Variants in OLFM3 observed in about 807,000 individuals in gnomAD.
OLFM3 encodes noelin-3.
Under a neutral mutation model 48.6 loss-of-function variants are expected in OLFM3, and 20 were observed. The observed-to-expected ratio is 0.41, with a 90% confidence interval of 0.29 to 0.60. OLFM3 has a LOEUF of 0.60. Ranked by LOEUF, OLFM3 falls within the 20% of genes least tolerant of loss-of-function variation. The pLI is 0.28. For synonymous variants in OLFM3, 222 were observed against 198.1 expected, an observed-to-expected ratio of 1.12 and a Z score of -1.01; for missense variants, 437 against 544.3, an observed-to-expected ratio of 0.80 and a Z score of 1.96.
At chr1:101,967,878 T>C (rs1363026252) in intron 1 of OLFM3, among the ~76,000 whole-genome samples, 1 of 152,066 alleles carries the variant, frequency 6.6e-6, no homozygotes, top group African/African-American at 2.4e-5. Flanking sequence ...AGAGTATTCT[T>C]CCGCCCCCAG....
At chr1:101,926,457 T>G (rs1659274028) in intron 1 of OLFM3, among the ~76,000 whole-genome samples, 1 of 152,186 alleles carries the variant, frequency 6.6e-6, no homozygotes, top group Non-Finnish European at 1.5e-5. Context: ...GGCAGCCTGG[T>G]GGAGCAAGAA....
At chr1:101,855,244 T>C (rs1656367556) in intron 1 of OLFM3, among the ~76,000 whole-genome samples, 2 of 152,078 alleles carry the variant, frequency 1.3e-5, no homozygotes, top group African/African-American at 4.8e-5. Context: ...TTTACATGTA[T>C]GAAGTCGTTT....
chr1:101,903,261 G>T (rs754013537), intron 1 of OLFM3, among the ~76,000 whole-genome samples: 2 of 152,032 alleles, frequency 1.3e-5, no homozygotes, highest in Non-Finnish European at 2.9e-5. Context: ...ATAAGCAAGG[G>T]CCTGGGCAAC....
chr1:101,806,411 A>T (rs1653779421), intron 4 of OLFM3, among the ~76,000 whole-genome samples: 1 of 151,872 alleles, frequency 6.6e-6, no homozygotes, highest in African/African-American at 2.4e-5. Flanking sequence ...AAAAATTTAA[A>T]GTGGGAAATG....
chr1:101,860,024 A>AGCC, intron 1 of OLFM3: 1 of 152,190 alleles, frequency 6.6e-6, no homozygotes, highest in African/African-American at 2.4e-5. Flanking sequence ...GAGCCATGGA[A>AGCC]GCCAGCTCAG....
intron 4 of OLFM3, among the ~76,000 whole-genome samples, chr1:101,820,353 T>A (rs1654551135): frequency 6.6e-6 from 1 of 152,072 alleles, no homozygotes; most frequent in African/African-American, 2.4e-5. Flanking sequence ...AAAGCCTTAT[T>A]ATAATCTACA....
intron 4 of OLFM3, among the ~76,000 whole-genome samples, chr1:101,818,914 T>C (rs1413501784): frequency 6.6e-6 from 1 of 152,184 alleles, no homozygotes; most frequent in Non-Finnish European, 1.5e-5. Flanking sequence ...TTGTCCACTG[T>C]GTTTCAGGTA....
At chr1:101,939,331 T>A (rs1333648200) in intron 1 of OLFM3, among the ~76,000 whole-genome samples, 1 of 152,166 alleles carries the variant, frequency 6.6e-6, no homozygotes, top group African/African-American at 2.4e-5. Context: ...TATATCAGAA[T>A]GGTATTTTGA....
chr1:101,942,902 G>A (rs1014096035), intron 1 of OLFM3, among the ~76,000 whole-genome samples: 2 of 152,008 alleles, frequency 1.3e-5, no homozygotes, highest in Admixed American at 6.6e-5. Context: ...GGTTACTAAC[G>A]GTGACTCCTG....
intron 2 of OLFM3, among the ~76,000 whole-genome samples, chr1:101,836,479 A>G (rs965043066): frequency 1.3e-5 from 2 of 152,236 alleles, no homozygotes; most frequent in Admixed American, 6.5e-5. Context: ...CTTGCATATC[A>G]CATGCAATTA....
intron 1 of OLFM3, among the ~76,000 whole-genome samples, chr1:101,973,337 G>A (rs1203784591): frequency 6.6e-6 from 1 of 152,214 alleles, no homozygotes; most frequent in African/African-American, 2.4e-5. Context: ...GGAGAGCATA[G>A]ATGTTCCAAC....
chr1:101,874,816 T>C (rs919612809), intron 1 of OLFM3, among the ~76,000 whole-genome samples: 3 of 151,976 alleles, frequency 2.0e-5, no homozygotes, highest in African/African-American at 7.2e-5. Flanking sequence ...CTTTAAGAAA[T>C]AGGGGCATGG....
At chr1:101,952,347 G>A (rs544260671) in intron 1 of OLFM3, among the ~76,000 whole-genome samples, 2 of 152,124 alleles carry the variant, frequency 1.3e-5, no homozygotes, top group Admixed American at 1.3e-4. Flanking sequence ...TTAAAGCTCA[G>A]AGTTATTTAA....
At position 101,804,705 on chromosome 1, in the gene OLFM3, C is replaced by T. The variant is rs1437649948; in HGVS notation, c.910G>A (p.Ala304Thr). 1.2e-6 allele frequency: 2 copies of T among 1,612,466 alleles called. No homozygotes were observed. The highest frequency in any genetic ancestry group is 1.7e-5 in the Admixed American group (1 of 59,794). ...KYSFDMGRVL[A>T]QRSLEYAGFH... ...CCAGCATACTCCAGGCTTCGTTGGG[C>T]AAGCACTCTCCCCATATCAAAGCTG... Residue 304 changes from alanine (A) to threonine (T), a missense_variant, in exon 6 of 6, where the codon GCC (alanine) becomes ACC (threonine). By Grantham distance (58) the Ala-to-Thr change is moderately conservative (BLOSUM62 0). Around this residue, in one of 3 missense-constraint regions of OLFM3, gnomAD observed 314 missense variants for 365.5 expected, o/e 0.86. Transcript: ENST00000370103. The surrounding 1 kb of genome is among the most constrained non-coding windows in gnomAD (Gnocchi z 4.5).
chr1:101,880,308 AT>A (rs1657469740), intron 1 of OLFM3, among the ~76,000 whole-genome samples: 1 of 151,756 alleles, frequency 6.6e-6, no homozygotes, highest in South Asian at 2.1e-4. Context: ...GAATGGGTTG[AT>A]TTCCCCCAGT....
chr1:101,920,198 T>C (rs1659051799), intron 1 of OLFM3, among the ~76,000 whole-genome samples: 1 of 152,190 alleles, frequency 6.6e-6, no homozygotes, highest in Non-Finnish European at 1.5e-5. Flanking sequence ...AGAGTGATTC[T>C]TTAAAAATCT....
intron 1 of OLFM3, among the ~76,000 whole-genome samples, chr1:101,985,767 G>A (rs535680983): frequency 6.6e-6 from 1 of 152,256 alleles, no homozygotes; most frequent in South Asian, 2.1e-4. Context: ...TGCTTGGGAT[G>A]TGAAATAAGC....
intron 1 of OLFM3, among the ~76,000 whole-genome samples, chr1:101,972,598 ATATCT>A (rs1660835514): frequency 6.6e-6 from 1 of 152,212 alleles, no homozygotes; most frequent in Non-Finnish European, 1.5e-5. Flanking sequence ...ATGATGATAA[ATATCT>A]TAGATAACAT....
intron 2 of OLFM3, among the ~76,000 whole-genome samples, chr1:101,831,197 T>C (rs1655132634): frequency 1.3e-5 from 2 of 152,264 alleles, no homozygotes; most frequent in South Asian, 4.1e-4. Flanking sequence ...GTACTAATTC[T>C]GACTTCTTAA....
Sources: allele counts gnomAD v4.1 joint callset (sites outside exome capture counted in the v4.1 genomes callset), GRCh38; gene constraint gnomAD v4.1.1; regional missense constraint gnomAD v4.1.1; non-coding constraint Gnocchi (gnomAD v3.1); transcripts MANE v1.5; gene names NCBI Gene and HGNC (gene_info 2026-07-23, HGNC 2026-07-21).